Variants in IL1RAPL2 observed in about 807,000 individuals in gnomAD.
IL1RAPL2 encodes X-linked interleukin-1 receptor accessory protein-like 2.
IL1RAPL2 carries 3 observed loss-of-function variants against 44.1 expected under a neutral mutation model. That is an observed-to-expected ratio of 0.07 (90% CI 0.03 to 0.18). IL1RAPL2 has a LOEUF of 0.18. IL1RAPL2 is among the 10% of genes least tolerant of loss of function. IL1RAPL2 has a pLI of 1.00. For synonymous variants in IL1RAPL2, 181 were observed against 178.8 expected, an observed-to-expected ratio of 1.01 and a Z score of -0.10; for missense variants, 391 against 496.4, an observed-to-expected ratio of 0.79 and a Z score of 2.02.
chrX:105,744,865 T>C (rs1334136948), intron 8 of IL1RAPL2, among the ~76,000 whole-genome samples: 1 of 111,535 alleles, frequency 9.0e-6, no homozygotes, highest in Non-Finnish European at 1.9e-5. Context: ...TGATAATTAT[T>C]TCTGTTTCTC....
intron 6 of IL1RAPL2, among the ~76,000 whole-genome samples, chrX:105,713,211 G>T (rs1010566068): frequency 9.0e-6 from 1 of 111,708 alleles, no homozygotes; most frequent in Non-Finnish European, 1.9e-5. Flanking sequence ...AGATCCGCTA[G>T]GTAGTGGCCC....
intron 2 of IL1RAPL2, among the ~76,000 whole-genome samples, chrX:105,013,277 C>T (rs980598888): frequency 9.0e-6 from 1 of 110,691 alleles, no homozygotes; most frequent in African/African-American, 3.3e-5. Flanking sequence ...TGAGTGAGAT[C>T]TCTGGCTTGA....
intron 6 of IL1RAPL2, among the ~76,000 whole-genome samples, chrX:105,517,573 A>G (rs2036523803): frequency 9.0e-6 from 1 of 111,012 alleles, no homozygotes; most frequent in Non-Finnish European, 1.9e-5. Flanking sequence ...CACCTTTTCT[A>G]CCATTTCTAC....
At chrX:104,740,975 C>A (rs957424406) in intron 2 of IL1RAPL2, among the ~76,000 whole-genome samples, 4 of 111,152 alleles carry the variant, frequency 3.6e-5, no homozygotes, top group African/African-American at 1.3e-4. Context: ...ATTAAGAAAT[C>A]ACTTCTATTG....
intron 2 of IL1RAPL2, among the ~76,000 whole-genome samples, chrX:104,976,911 A>T (rs1360176758): frequency 9.1e-6 from 1 of 110,247 alleles, no homozygotes; most frequent in African/African-American, 3.3e-5. Flanking sequence ...CAAAAAAAAA[A>T]AAGACTGCAA....
chrX:105,431,919 G>A (rs1335874281), intron 5 of IL1RAPL2, among the ~76,000 whole-genome samples: 3 of 110,550 alleles, frequency 2.7e-5, no homozygotes, highest in Non-Finnish European at 3.8e-5. Context: ...AAGAAAGTGG[G>A]GTTGAGAAAT....
At chrX:104,674,691 C>T (rs1376379318) in intron 2 of IL1RAPL2, among the ~76,000 whole-genome samples, 1 of 109,816 alleles carries the variant, frequency 9.1e-6, no homozygotes, top group Non-Finnish European at 1.9e-5. Context: ...CCTCCTTGTA[C>T]CTCTGGTAGA....
intron 6 of IL1RAPL2, among the ~76,000 whole-genome samples, chrX:105,703,381 C>A (rs928882256): frequency 3.6e-5 from 4 of 111,001 alleles, no homozygotes; most frequent in Non-Finnish European, 5.7e-5. Flanking sequence ...AATGAATACA[C>A]CTATGCTTAG....
At chrX:104,962,458 C>T (rs866791224) in intron 2 of IL1RAPL2, among the ~76,000 whole-genome samples, 39 of 111,611 alleles carry the variant, frequency 3.5e-4, no homozygotes, top group Middle Eastern at 4.7e-3. Context: ...GCCCTAAGTG[C>T]GGAGAATAGA....
intron 2 of IL1RAPL2, among the ~76,000 whole-genome samples, chrX:105,128,162 T>A (rs1481244588): frequency 9.0e-6 from 1 of 110,763 alleles, no homozygotes; most frequent in Admixed American, 9.6e-5. Context: ...ATCCTCCTTT[T>A]TTATGTCCCT....
chrX:105,557,434 A>G (rs1171200107), intron 6 of IL1RAPL2, among the ~76,000 whole-genome samples: 2 of 111,989 alleles, frequency 1.8e-5, no homozygotes, highest in African/African-American at 6.5e-5. Context: ...GAATCTACAT[A>G]TTTCCAAATA....
At chrX:105,763,276 G>A (rs1376037137) in intron 10 of IL1RAPL2, among the ~76,000 whole-genome samples, 2 of 111,418 alleles carry the variant, frequency 1.8e-5, no homozygotes, top group Non-Finnish European at 3.8e-5. Flanking sequence ...ACAGGACATG[G>A]GCCTAATGTA....
chrX:104,856,633 C>T (rs986318847), intron 2 of IL1RAPL2, among the ~76,000 whole-genome samples: 6 of 111,913 alleles, frequency 5.4e-5, no homozygotes, highest in Non-Finnish European at 9.4e-5. Context: ...TCTTTAACTA[C>T]TCCCACTCCT....
chrX:104,694,066 G>T (rs1931139132), intron 2 of IL1RAPL2, among the ~76,000 whole-genome samples: 5 of 111,959 alleles, frequency 4.5e-5, no homozygotes, highest in Non-Finnish European at 9.4e-5. Flanking sequence ...ATGCAGCTCT[G>T]TGGAAAACAT....
intron 6 of IL1RAPL2, among the ~76,000 whole-genome samples, chrX:105,506,032 T>C (rs928236325): frequency 1.8e-5 from 2 of 111,171 alleles, no homozygotes; most frequent in African/African-American, 3.3e-5. Flanking sequence ...GGAAATGCAG[T>C]AGTGAGCCAA....
intron 5 of IL1RAPL2, among the ~76,000 whole-genome samples, chrX:105,337,321 A>G (rs1267589949): frequency 8.9e-6 from 1 of 112,441 alleles, no homozygotes; most frequent in Non-Finnish European, 1.9e-5. Context: ...GGAGCAGACA[A>G]TTAGTTTTTC....
intron 5 of IL1RAPL2, among the ~76,000 whole-genome samples, chrX:105,318,536 G>A (rs1419632405): frequency 4.5e-5 from 5 of 111,439 alleles, no homozygotes; most frequent in African/African-American, 9.8e-5. Flanking sequence ...TTGGAGGCAG[G>A]AGCATGGGTT....
At position 104,821,985 on chromosome X, in the gene IL1RAPL2, C is replaced by T. The variant is rs751101060; in HGVS notation, c.82+162990C>T. Among the ~76,000 whole-genome samples the T allele has an allele frequency of 5.3e-5, 6 of 112,460 alleles. No homozygotes were observed. The East Asian group carries it at 1.7e-3, about 32-fold the overall frequency. On this transcript the variant is annotated intron_variant, in intron 2 of 10. Coordinates refer to ENST00000372582, the MANE Select transcript of IL1RAPL2 (RefSeq NM_017416.2). Reference sequence around the variant, plus strand: ...CATTGTGGCTTTGATTTGCATTTCTCTAATGACCAGTGATGATGAGCTTCT... The same window carrying T: ...CATTGTGGCTTTGATTTGCATTTCTTTAATGACCAGTGATGATGAGCTTCT...
chrX:105,219,613 T>A (rs782401314), intron 3 of IL1RAPL2: 2 of 1,208,035 alleles, frequency 1.7e-6, no homozygotes, highest in African/African-American at 1.8e-5. Context: ...CTGCTCTTCT[T>A]CTGCTCCTTT....
Sources: gnomAD v4.1 joint callset for allele counts (sites outside exome capture counted in the v4.1 genomes callset) on GRCh38, gnomAD v4.1.1 for gene constraint, MANE v1.5 for transcripts, NCBI Gene and HGNC (gene_info 2026-07-23, HGNC 2026-07-21) for gene names.